Variants in SPOCK3 observed in about 807,000 individuals in gnomAD.
SPOCK3 encodes testican-3.
A neutral mutation model predicts 56.6 loss-of-function variants in SPOCK3; 30 were observed. The observed-to-expected ratio is 0.53, with a 90% CI of 0.40 to 0.72. The LOEUF (loss-of-function observed/expected upper bound fraction) is 0.72, where lower values mean the gene tolerates loss of function less well. Among genes scored for constraint, SPOCK3 ranks in the 30% least tolerant of loss-of-function variants. The pLI is 0.00. For missense variants in SPOCK3, 527 were observed against 530.0 expected (o/e 0.99, Z 0.06); for synonymous variants, 196 against 183.3 (o/e 1.07, Z -0.56).
intron 4 of SPOCK3, chr4:166,918,303 T>G (rs914265147): frequency 7.2e-5 from 11 of 152,142 alleles, no homozygotes. Flanking sequence ...CTATATTGTA[T>G]GTCAGGAATT....
At chr4:166,971,356 G>A (rs1371537642) in intron 4 of SPOCK3, among the ~76,000 whole-genome samples, 1 of 151,984 alleles carries the variant, frequency 6.6e-6, no homozygotes, top group Non-Finnish European at 1.5e-5. Flanking sequence ...AAAAGTGCTT[G>A]ACTCTTTTAG....
At chr4:167,120,958 C>T (rs1314903502) in intron 2 of SPOCK3, among the ~76,000 whole-genome samples, 1 of 151,848 alleles carries the variant, frequency 6.6e-6, no homozygotes, top group Non-Finnish European at 1.5e-5. Context: ...TACCAAATGT[C>T]TATTTTTTCA....
intron 2 of SPOCK3, among the ~76,000 whole-genome samples, chr4:167,113,060 A>T (rs1002028304): frequency 6.6e-6 from 1 of 152,096 alleles, no homozygotes; most frequent in Non-Finnish European, 1.5e-5. Context: ...AGAAAGAATC[A>T]ACGTGAAAAG....
intron 2 of SPOCK3, among the ~76,000 whole-genome samples, chr4:167,084,845 A>C (rs1039338223): frequency 1.3e-5 from 2 of 152,156 alleles, no homozygotes; most frequent in Admixed American, 1.3e-4. Context: ...TGATTTATAA[A>C]TATATTAAAA....
At chr4:167,032,412 G>A (rs17052834) in intron 3 of SPOCK3, among the ~76,000 whole-genome samples, 9,373 of 151,886 alleles carry the variant, frequency 0.062, 328 homozygotes, top group African/African-American at 0.068. Flanking sequence ...GCTTGGCACC[G>A]CTCTGCTGTT....
intron 8 of SPOCK3, among the ~76,000 whole-genome samples, chr4:166,747,115 TCCTCCCTAA>T (rs1735731087): frequency 1.3e-5 from 2 of 152,018 alleles, no homozygotes; most frequent in African/African-American, 4.8e-5. Context: ...AAAAAGTGAA[TCCTCCCTAA>T]CTCATTTTAT....
intron 6 of SPOCK3, among the ~76,000 whole-genome samples, chr4:166,842,218 G>C (rs6829373): frequency 6.6e-6 from 1 of 152,030 alleles, no homozygotes; most frequent in Admixed American, 6.5e-5. Flanking sequence ...AAGCTTCCAC[G>C]GTGAGGAAGA....
intron 2 of SPOCK3, among the ~76,000 whole-genome samples, chr4:167,162,191 A>G (rs1317985874): frequency 1.3e-5 from 2 of 152,190 alleles, no homozygotes; most frequent in East Asian, 3.9e-4. Context: ...GCACAAAAAA[A>G]TACACCAGTT....
intron 2 of SPOCK3, among the ~76,000 whole-genome samples, chr4:167,192,737 A>G (rs1732581225): frequency 6.9e-6 from 1 of 145,364 alleles, no homozygotes; most frequent in Non-Finnish European, 1.5e-5. Context: ...GGTATTTATC[A>G]CTATAAGCTT....
At chr4:167,113,350 A>G (rs1189663196) in intron 2 of SPOCK3, among the ~76,000 whole-genome samples, 1 of 150,980 alleles carries the variant, frequency 6.6e-6, no homozygotes, top group Non-Finnish European at 1.5e-5. Context: ...TGCACTTGGC[A>G]TGGCAGGAGG....
intron 6 of SPOCK3, among the ~76,000 whole-genome samples, chr4:166,799,148 C>T (rs1339845263): frequency 6.6e-6 from 1 of 152,132 alleles, no homozygotes; most frequent in African/African-American, 2.4e-5. Context: ...CACACACTGC[C>T]TGTGTACTGC....
intron 2 of SPOCK3, among the ~76,000 whole-genome samples, chr4:167,130,783 C>T (rs890575012): frequency 1.3e-5 from 2 of 152,034 alleles, no homozygotes; most frequent in Admixed American, 1.3e-4. Flanking sequence ...ATAAGAATTA[C>T]AAGCAAAGGA....
chr4:167,171,236 T>C lies in SPOCK3; in HGVS notation c.189+62749A>G, dbSNP rs555360093. ...ATTTTGATTATTCAAACTAACCAGC[T>C]GCACATTAAAGGTGTAGAATGTGCA... On this transcript the variant is annotated intron_variant, in intron 2 of 10. Coordinates refer to ENST00000357545, the MANE Select transcript of SPOCK3 (RefSeq NM_001040159.2). 7.2e-5 allele frequency among the ~76,000 whole-genome samples: 11 copies of C among 152,268 alleles called. No homozygotes were observed. The South Asian group carries it at 2.3e-3, about 32-fold the overall frequency.
chr4:166,807,590 G>A (rs1215230743), intron 6 of SPOCK3, among the ~76,000 whole-genome samples: 1 of 152,112 alleles, frequency 6.6e-6, no homozygotes, highest in Admixed American at 6.6e-5. Flanking sequence ...ACTGCTGCCA[G>A]TTGAGCAGAG....
At chr4:166,996,387 A>G (rs1282118027) in intron 4 of SPOCK3, among the ~76,000 whole-genome samples, 2 of 152,290 alleles carry the variant, frequency 1.3e-5, no homozygotes, top group South Asian at 2.1e-4. Flanking sequence ...AAGGGAGCAT[A>G]AAACACTGGG....
intron 4 of SPOCK3, among the ~76,000 whole-genome samples, chr4:166,946,013 T>G (rs760306015): frequency 5.0e-5 from 7 of 140,726 alleles, no homozygotes; most frequent in Admixed American, 2.3e-4. Flanking sequence ...CTAACCACTC[T>G]GCAAAACTTC....
At chr4:166,957,078 ACT>A (rs1743580275) in intron 4 of SPOCK3, among the ~76,000 whole-genome samples, 1 of 152,032 alleles carries the variant, frequency 6.6e-6, no homozygotes, top group Admixed American at 6.6e-5. Flanking sequence ...ACATGGTGAA[ACT>A]CTGTCTCTAC....
At chr4:166,963,388 A>T (rs1351016669) in intron 4 of SPOCK3, among the ~76,000 whole-genome samples, 1 of 152,038 alleles carries the variant, frequency 6.6e-6, no homozygotes, top group African/African-American at 2.4e-5. Flanking sequence ...AATGACACAG[A>T]TGCTTCTTTC....
At chr4:167,008,065 G>A (rs28372600) in intron 3 of SPOCK3, among the ~76,000 whole-genome samples, 1,832 of 152,156 alleles carry the variant, frequency 0.012, 42 homozygotes, top group African/African-American at 0.042. Context: ...AGGCTAAGAA[G>A]ACACTTAATG....
Sources: allele counts gnomAD v4.1 joint callset (sites outside exome capture counted in the v4.1 genomes callset), GRCh38; gene constraint gnomAD v4.1.1; transcripts MANE v1.5; gene names NCBI Gene and HGNC (gene_info 2026-07-23, HGNC 2026-07-21).